KDM7A: variants seen among roughly 807,000 people sequenced by gnomAD.
The protein encoded by KDM7A is lysine demethylase 7A.
KDM7A carries 28 observed loss-of-function variants against 114.8 expected under a neutral mutation model. The ratio of observed to expected loss-of-function variants is 0.24; its 90% CI spans 0.18 to 0.33. The LOEUF (loss-of-function observed/expected upper bound fraction) is 0.33, where lower values mean the gene tolerates loss of function less well. Among genes scored for constraint, KDM7A ranks in the 10% least tolerant of loss-of-function variants. The probability of loss-of-function intolerance (pLI) is 1.00; values close to 1 mark genes in which losing one functional copy is unlikely to be tolerated. For synonymous variants in KDM7A, 423 were observed against 397.8 expected, an observed-to-expected ratio of 1.06 and a Z score of -0.75; for missense variants, 942 against 1,142.5, an observed-to-expected ratio of 0.82 and a Z score of 2.53.
At chr7:140,160,697 T>TA (rs1227156842) in intron 1 of KDM7A, among the ~76,000 whole-genome samples, 2 of 152,156 alleles carry the variant, frequency 1.3e-5, no homozygotes, top group Admixed American at 1.3e-4. Flanking sequence ...TTTAAGAGAA[T>TA]AATCAATTGC....
chr7:140,163,623 G>GT (rs369320832), intron 1 of KDM7A, among the ~76,000 whole-genome samples: 2 of 151,620 alleles, frequency 1.3e-5, no homozygotes, highest in South Asian at 2.1e-4. Context: ...TTTTCTGTTT[G>GT]TTTTTTTAAT....
intron 2 of KDM7A, among the ~76,000 whole-genome samples, chr7:140,137,877 A>G (rs762225754): frequency 3.9e-5 from 6 of 152,234 alleles, no homozygotes; most frequent in East Asian, 1.9e-4. Flanking sequence ...AAAAAGCTGC[A>G]TGTAAAATAA....
At chr7:140,141,576 T>C (rs1794278121) in intron 1 of KDM7A, among the ~76,000 whole-genome samples, 1 of 152,096 alleles carries the variant, frequency 6.6e-6, no homozygotes, top group South Asian at 2.1e-4. Context: ...CAATATCTTA[T>C]ATATATGTAT....
At chr7:140,141,875 T>C (rs993538566) in intron 1 of KDM7A, among the ~76,000 whole-genome samples, 2 of 151,224 alleles carry the variant, frequency 1.3e-5, no homozygotes, top group Non-Finnish European at 2.9e-5. Context: ...GCCTGGGTGA[T>C]ACAGTGAGAC....
chr7:140,092,018 C>A lies in KDM7A; in HGVS notation c.2517G>T (p.Arg839Ser), dbSNP rs144582958. Residue 839 changes from arginine (R) to serine (S), a missense_variant, in exon 19 of 20, where the codon AGG (arginine) becomes AGT (serine). Coordinates refer to ENST00000397560, the MANE Select transcript of KDM7A (RefSeq NM_030647.2). Reference sequence around the variant, plus strand: ...TGTCCACATAATTCCTACTTTGTACCCTCTGACTAATTTCTGATGAACCTT... The same window carrying A: ...TGTCCACATAATTCCTACTTTGTACACTCTGACTAATTTCTGATGAACCTT... Reference protein sequence around the residue: ...RKEGSSEISQRVQSRNYVDSS... With the variant: ...RKEGSSEISQSVQSRNYVDSS... 3.1e-6 allele frequency: 5 copies of A among 1,614,028 alleles called. No homozygotes were observed. Among genetic ancestry groups the A allele is most frequent in the Non-Finnish European group, 3.4e-6 (4 of 1,179,958 alleles).
chr7:140,093,907 C>A, intron 18 of KDM7A, 149 bp downstream of exon 18: 2 of 641,846 alleles, frequency 3.1e-6, no homozygotes, highest in Admixed American at 2.7e-5. Context: ...TCAAAATGGA[C>A]AGTTGTTCAA....
intron 1 of KDM7A, among the ~76,000 whole-genome samples, chr7:140,142,008 TATATATA>T (rs1794287511): frequency 7.2e-6 from 1 of 138,046 alleles, no homozygotes; most frequent in South Asian, 2.1e-4. Flanking sequence ...AAATGATATT[TATATATA>T]ATATATATTT....
chr7:140,099,664 G>A (rs955520592), intron 13 of KDM7A, among the ~76,000 whole-genome samples: 6 of 152,102 alleles, frequency 3.9e-5, no homozygotes, highest in Non-Finnish European at 7.4e-5. Flanking sequence ...TCATAGGAGC[G>A]TGAACCATAT....
chr7:140,100,754 T>TTTTG (rs199740328), intron 12 of KDM7A, among the ~76,000 whole-genome samples: 25,222 of 107,240 alleles, frequency 0.24, 3,698 homozygotes, highest in African/African-American at 0.41. Context: ...ATATATATTT[T>TTTTG]TTTGTTTGTT....
chr7:140,104,666 G>A (rs910479820), intron 11 of KDM7A, among the ~76,000 whole-genome samples: 1 of 152,096 alleles, frequency 6.6e-6, no homozygotes, highest in Admixed American at 6.5e-5. Flanking sequence ...CTGTTTTGGT[G>A]CCAGTACCAT....
chr7:140,144,271 T>C (rs1315824104), intron 1 of KDM7A, among the ~76,000 whole-genome samples: 1 of 152,228 alleles, frequency 6.6e-6, no homozygotes, highest in Non-Finnish European at 1.5e-5. Context: ...AAGAGTCTGT[T>C]CTACAAATAG....
Position 140,098,865 on chromosome 7 carries a change from T to G in KDM7A, c.1918+14A>C, listed in dbSNP as rs1277332441. ...AATCAAAAGATCTTTAAAATAACCA[T>G]TAAAAAAACATACCATTCAGTGGTT... On this transcript the variant is annotated intron_variant, in intron 14 of 19. Transcript: ENST00000397560. The G allele has an allele frequency of 6.3e-7, 1 of 1,594,374 alleles. No individual in the cohort carries two copies. Among genetic ancestry groups the G allele is most frequent in the Admixed American group, 1.7e-5 (1 of 57,704 alleles).
At chr7:140,135,245 C>T (rs1585155952) in intron 2 of KDM7A, among the ~76,000 whole-genome samples, 1 of 147,902 alleles carries the variant, frequency 6.8e-6, no homozygotes, top group Non-Finnish European at 1.5e-5. Flanking sequence ...TGCCCTGTTG[C>T]CAGGCTGGAG....
rs1408651300 is a variant in KDM7A, at chr7:140,176,361, G to A, written c.194+383C>T. Among the ~76,000 whole-genome samples the A allele has an allele frequency of 1.4e-5, 2 of 144,636 alleles. No individual in the cohort carries two copies. Among genetic ancestry groups the A allele is most frequent in the Non-Finnish European group, 3.1e-5 (2 of 65,222 alleles). 94.9% of individuals were successfully genotyped at this position (144,636 alleles called of 152,430 possible). ...CGGAGCCCCGGGCGCGGCGGGGCGG[G>A]GCGGGGCGGCGGCGGCCCGGGCTGG... On this transcript the variant is annotated intron_variant, in intron 1 of 19. Transcript: ENST00000397560. The surrounding 1 kb of genome is among the most constrained non-coding windows in gnomAD (Gnocchi z 4.4).
At chr7:140,144,103 C>A (rs1198504147) in intron 1 of KDM7A, among the ~76,000 whole-genome samples, 2 of 152,098 alleles carry the variant, frequency 1.3e-5, no homozygotes, top group South Asian at 4.1e-4. Context: ...TTCACACTTC[C>A]CGACTTCAAA....
Position 140,176,708 on chromosome 7 carries a change from C to G in KDM7A, c.194+36G>C. 8.3e-7 allele frequency: 1 copy of G among 1,201,780 alleles called. No individual in the cohort carries two copies. Among genetic ancestry groups the G allele is most frequent in the Non-Finnish European group, 1.1e-6 (1 of 945,552 alleles). 74.4% of individuals were successfully genotyped at this position (1,201,780 alleles called of 1,614,324 possible). Reference sequence around the variant, plus strand: ...GCGGCGGCGGTTGGTCGGTGGCCGGCGGTGGCGGCTGCGGGGCTGGAGGGG... The same window carrying G: ...GCGGCGGCGGTTGGTCGGTGGCCGGGGGTGGCGGCTGCGGGGCTGGAGGGG... On this transcript the variant is annotated intron_variant, in intron 1 of 19. Transcript: ENST00000397560. The surrounding 1 kb of genome is among the most constrained non-coding windows in gnomAD (Gnocchi z 4.4).
Position 140,140,776 on chromosome 7 carries a change from C to T in KDM7A, c.195-1586G>A, listed in dbSNP as rs1469625281. On this transcript the variant is annotated intron_variant, in intron 1 of 19. Coordinates refer to ENST00000397560, the MANE Select transcript of KDM7A (RefSeq NM_030647.2). ...AAAAAAAAAATAGCAAGAATACCTG[C>T]TATTACTACTGAATACTATTCAGTG... Among the ~76,000 whole-genome samples, 3 of 151,384 alleles carry T rather than the reference C, an allele frequency of 2.0e-5. No individual in the cohort carries two copies. In the East Asian group the frequency reaches 5.8e-4, roughly 29 times the overall value.
intron 8 of KDM7A, among the ~76,000 whole-genome samples, chr7:140,119,758 T>G (rs780125861): frequency 1.6e-4 from 25 of 152,212 alleles, no homozygotes; most frequent in Non-Finnish European, 3.4e-4. Context: ...TAAAAGCCAC[T>G]ATCTCCCCTA....
At chr7:140,165,705 A>G (rs1794566131) in intron 1 of KDM7A, among the ~76,000 whole-genome samples, 1 of 152,210 alleles carries the variant, frequency 6.6e-6, no homozygotes, top group Non-Finnish European at 1.5e-5. Context: ...TCGGGGTATC[A>G]ATGCTTGTGT....
Sources: allele counts gnomAD v4.1 joint callset (sites outside exome capture counted in the v4.1 genomes callset), GRCh38; gene constraint gnomAD v4.1.1; non-coding constraint Gnocchi (gnomAD v3.1); transcripts MANE v1.5; gene names NCBI Gene and HGNC (gene_info 2026-07-23, HGNC 2026-07-21).